The following AP3B1 variants were observed in gnomAD, a reference collection of about 807,000 sequenced individuals.
The protein encoded by AP3B1 is AP-3 complex subunit beta-1.
Under a neutral mutation model 132.5 loss-of-function variants are expected in AP3B1, and 61 were observed. The ratio of observed to expected loss-of-function variants is 0.46; its 90% confidence interval spans 0.37 to 0.57. The LOEUF (loss-of-function observed/expected upper bound fraction) is 0.57. Ranked by LOEUF, AP3B1 falls within the 20% of genes least tolerant of loss-of-function variation. The pLI is 0.00. For synonymous variants in AP3B1, 388 were observed against 438.3 expected (o/e 0.89, Z 1.43); for missense variants, 1,120 against 1,289.4 (o/e 0.87, Z 2.01).
At chr5:78,079,400 T>A (rs552697726) in intron 22 of AP3B1, among the ~76,000 whole-genome samples, 1 of 152,266 alleles carries the variant, frequency 6.6e-6, no homozygotes, top group South Asian at 2.1e-4. Context: ...GAATGAAGGA[T>A]GGACTAAGTT....
intron 1 of AP3B1, among the ~76,000 whole-genome samples, chr5:78,283,049 T>A (rs1749126033): frequency 6.6e-6 from 1 of 152,182 alleles, no homozygotes; most frequent in Non-Finnish European, 1.5e-5. Flanking sequence ...ATGACTTTAA[T>A]GGTGTTATAA....
chr5:78,193,825 G>C (rs1744970199), intron 7 of AP3B1, among the ~76,000 whole-genome samples: 1 of 144,820 alleles, frequency 6.9e-6, no homozygotes, highest in Non-Finnish European at 1.5e-5. Flanking sequence ...GCAGTGGCGT[G>C]ATCTCGCTCA....
Position 78,225,523 on chromosome 5 carries a change from G to T in AP3B1, c.603+19C>A. 7.3e-7 allele frequency: 1 copy of T among 1,373,586 alleles called. No individual in the cohort carries two copies. The highest frequency in any genetic ancestry group is 1.2e-5 in the South Asian group (1 of 83,564). 85.1% of individuals were successfully genotyped at this position (1,373,586 alleles called of 1,614,324 possible). ...TAAAGTACATTTTTATGTCAAAGAC[G>T]TAAAAAGACATTACTTACTGTGCTT... On this transcript the variant is annotated intron_variant, in intron 6 of 26. Coordinates refer to ENST00000255194, the MANE Select transcript of AP3B1 (RefSeq NM_003664.5).
chr5:78,137,956 C>G (rs775055333), intron 15 of AP3B1, among the ~76,000 whole-genome samples: 6 of 150,578 alleles, frequency 4.0e-5, no homozygotes, highest in African/African-American at 7.3e-5. Context: ...GAATTCAGAT[C>G]TACAAATAAA....
intron 3 of AP3B1, among the ~76,000 whole-genome samples, chr5:78,238,731 T>C (rs1746987050): frequency 6.6e-6 from 1 of 150,980 alleles, no homozygotes; most frequent in African/African-American, 2.4e-5. Context: ...TGTTTCTAGT[T>C]AACCCAAAAA....
At chr5:78,134,149 C>CAAAAAAAAAAAAAAAAAA (rs397961933) in intron 15 of AP3B1, among the ~76,000 whole-genome samples, 24 of 74,194 alleles carry the variant, frequency 3.2e-4, no homozygotes, top group African/African-American at 9.8e-4. Flanking sequence ...AGACTCGCCT[C>CAAAAAAAAAAAAAAAAAA]AAAAAAAAAA....
chr5:78,204,689 C>T (rs1252874774), intron 7 of AP3B1, among the ~76,000 whole-genome samples: 2 of 152,156 alleles, frequency 1.3e-5, no homozygotes, highest in Non-Finnish European at 2.9e-5. Context: ...AAGGCATGTC[C>T]CTTGCATTAG....
chr5:78,167,381 C>T (rs1743680517), intron 11 of AP3B1, among the ~76,000 whole-genome samples: 1 of 152,080 alleles, frequency 6.6e-6, no homozygotes, highest in Admixed American at 6.5e-5. Flanking sequence ...CACTTTTACA[C>T]TGTTGGTGGG....
intron 1 of AP3B1, among the ~76,000 whole-genome samples, chr5:78,293,327 T>C (rs148146803): frequency 2.0e-5 from 3 of 152,370 alleles, no homozygotes; most frequent in Non-Finnish European, 4.4e-5. Flanking sequence ...TCCGTACTTG[T>C]TCTAGAACAA....
chr5:78,158,133 T>C (rs888016919), intron 13 of AP3B1, among the ~76,000 whole-genome samples: 10 of 152,222 alleles, frequency 6.6e-5, no homozygotes, highest in Admixed American at 1.3e-4. Flanking sequence ...TTAGTAAATA[T>C]ATGTATTTCA....
chr5:78,164,276 A>G (rs1743519165), intron 12 of AP3B1, among the ~76,000 whole-genome samples: 1 of 152,168 alleles, frequency 6.6e-6, no homozygotes, highest in South Asian at 2.1e-4. Context: ...ACAGTGATAA[A>G]AATGAATACA....
rs546444216 is a variant in AP3B1, at chr5:78,230,888, C to T, written c.280-2649G>A. On this transcript the variant is annotated intron_variant, in intron 3 of 26. Transcript: ENST00000255194. ...ATCCCAGCACTTTGGGAGGCTGAGA[C>T]GAGCGGATCACCTGAGGTCCGGAGT... Among the ~76,000 whole-genome samples the T allele has an allele frequency of 6.6e-5, 10 of 152,132 alleles. No individual in the cohort carries two copies. The South Asian group carries it at 8.3e-4, about 13-fold the overall frequency.
intron 17 of AP3B1, among the ~76,000 whole-genome samples, chr5:78,123,881 A>G (rs1200470664): frequency 2.0e-5 from 3 of 152,330 alleles, no homozygotes; most frequent in Middle Eastern, 3.4e-3. Context: ...TCATGCTGCT[A>G]TAAAGACACA....
chr5:78,192,035 T>G (rs1430889557), intron 7 of AP3B1, among the ~76,000 whole-genome samples: 1 of 151,852 alleles, frequency 6.6e-6, no homozygotes, highest in Non-Finnish European at 1.5e-5. Flanking sequence ...TAATTTTGTA[T>G]TTTTAGTAGA....
At chr5:78,064,734 G>T (rs551129645) in intron 22 of AP3B1, among the ~76,000 whole-genome samples, 1 of 152,154 alleles carries the variant, frequency 6.6e-6, no homozygotes, top group Non-Finnish European at 1.5e-5. Context: ...GGAATATTAA[G>T]CTACGTTTAG....
chr5:78,215,340 A>C (rs1467049185), intron 7 of AP3B1, among the ~76,000 whole-genome samples: 4 of 152,118 alleles, frequency 2.6e-5, no homozygotes, highest in African/African-American at 9.6e-5. Flanking sequence ...GTTTAAAATT[A>C]CCTTAAATCT....
intron 18 of AP3B1, among the ~76,000 whole-genome samples, chr5:78,115,659 A>G (rs3797666): frequency 0.035 from 5,316 of 152,220 alleles, 195 homozygotes; most frequent in East Asian, 0.14. Flanking sequence ...TTTTTATAGT[A>G]TATAGAGACT....
At chr5:78,011,362 T>C (rs893813908) in intron 26 of AP3B1, among the ~76,000 whole-genome samples, 1 of 152,074 alleles carries the variant, frequency 6.6e-6, no homozygotes, top group Non-Finnish European at 1.5e-5. Context: ...TATATCTCAA[T>C]AAGATGATTT....
intron 7 of AP3B1, among the ~76,000 whole-genome samples, chr5:78,210,478 A>G (rs1745688680): frequency 6.6e-6 from 1 of 152,206 alleles, no homozygotes; most frequent in Non-Finnish European, 1.5e-5. Context: ...AACTTATGTA[A>G]GGTTTTATAA....
Sources: allele counts gnomAD v4.1 joint callset (sites outside exome capture counted in the v4.1 genomes callset), GRCh38; gene constraint gnomAD v4.1.1; transcripts MANE v1.5; gene names NCBI Gene and HGNC (gene_info 2026-07-23, HGNC 2026-07-21).